VWF: variants seen among roughly 807,000 people sequenced by gnomAD.
VWF encodes Factor VIII related antigen.
A neutral mutation model predicts 308.6 loss-of-function variants in VWF; 176 were observed. The observed-to-expected ratio is 0.57, with a 90% CI of 0.50 to 0.65. VWF has a LOEUF of 0.65. Ranked by LOEUF, VWF falls within the 30% of genes least tolerant of loss-of-function variation. The pLI is 0.00. For missense variants in VWF, 3,146 were observed against 3,648.2 expected, an observed-to-expected ratio of 0.86 and a Z score of 3.55; for synonymous variants, 1,385 against 1,443.4, an observed-to-expected ratio of 0.96 and a Z score of 0.92.
At chr12:6,117,865 C>T (rs1037101480) in intron 3 of VWF, among the ~76,000 whole-genome samples, 7 of 152,166 alleles carry the variant, frequency 4.6e-5, no homozygotes, top group Admixed American at 3.9e-4. Context: ...CAACTGCCCT[C>T]GGAACACTCA....
rs1943772409 is a variant in VWF at position 5,993,809 on chromosome 12, G to T, written c.6598+53C>A. The T allele has an allele frequency of 3.0e-5, 47 of 1,564,096 alleles. No homozygotes were observed. The South Asian group carries it at 5.0e-4, about 17-fold the overall frequency. On this transcript the variant is annotated intron_variant, in intron 37 of 51. Coordinates refer to ENST00000261405, the MANE Select transcript of VWF (RefSeq NM_000552.5). Reference sequence around the variant, plus strand: ...AGAATCTGGGGCACAGAGAGGCTGAGCAAGCCCAGTTAGCTGGTCTCCAGG... The same window carrying T: ...AGAATCTGGGGCACAGAGAGGCTGATCAAGCCCAGTTAGCTGGTCTCCAGG...
In VWF at chr12:6,026,004, T is replaced by C. The variant is rs2136421053; in HGVS notation, c.3010A>G (p.Asn1004Asp). 3 of 1,613,980 alleles carry C rather than the reference T, an allele frequency of 1.9e-6. No individual in the cohort carries two copies. Among genetic ancestry groups the C allele is most frequent in the South Asian group, 2.2e-5 (2 of 91,078 alleles). Reference sequence around the variant, plus strand: ...AGGTTGCTGCTGGTGAGGTCATTGTTCTGGATGCCATCAAAATTCCCACAC... The same window carrying C: ...AGGTTGCTGCTGGTGAGGTCATTGTCCTGGATGCCATCAAAATTCCCACAC... ...GLCGNFDGIQ[N>D]NDLTSSNLQV... Residue 1004 changes from asparagine to aspartate, a missense_variant, in exon 23 of 52, where the codon AAC becomes GAC. Physicochemically the swap from Asn to Asp is conservative, Grantham distance 23. This residue lies in a region of VWF where 1,304 missense variants were observed against 1,353.0 expected (regional missense o/e 0.96). Transcript: ENST00000261405.
chr12:6,075,191 G>A lies in VWF; in HGVS notation c.874+144C>T, dbSNP rs768175553. The A allele has an allele frequency of 1.8e-5, 19 of 1,041,722 alleles. No individual in the cohort carries two copies. The highest frequency in any genetic ancestry group is 2.4e-5 in the Non-Finnish European group (17 of 703,266). The allele number at this position is 1,041,722 out of a possible 1,614,324, so 64.5% of individuals were successfully genotyped here. A position where few individuals can be genotyped will look rare whatever the true frequency, so the allele number is the denominator to read the frequency against. The stretch of plus-strand genomic sequence containing the variant: ...AGGAGCCATTCAGGAAATGGGTCCG[G>A]GACACGTGGCTTTGTAGTCACTGGC... On this transcript the variant is annotated intron_variant, in intron 7 of 51. Transcript: ENST00000261405. This position sits in a 1 kb window ranked among gnomAD's most constrained non-coding sequence, Gnocchi z 4.7.
intron 17 of VWF, among the ~76,000 whole-genome samples, chr12:6,044,811 G>C (rs749756842): frequency 6.6e-6 from 1 of 152,214 alleles, no homozygotes; most frequent in Non-Finnish European, 1.5e-5. Flanking sequence ...TGCTAAAAAG[G>C]AGTTTTAATG....
intron 16 of VWF, among the ~76,000 whole-genome samples, chr12:6,052,041 T>C (rs1377023745): frequency 6.6e-6 from 1 of 152,210 alleles, no homozygotes; most frequent in Non-Finnish European, 1.5e-5. Context: ...AAACCGACTG[T>C]CACAGAAGGC....
chr12:6,052,889 TA>T, intron 15 of VWF, 106 bp from the exon 16 acceptor site: 1 of 1,438,380 alleles, frequency 7.0e-7, no homozygotes, highest in Non-Finnish European at 9.3e-7. Flanking sequence ...ATTATTTAAT[TA>T]AAATTTTTAT....
chr12:6,014,419 A>G (rs1485101587), intron 31 of VWF, among the ~76,000 whole-genome samples: 2 of 152,214 alleles, frequency 1.3e-5, no homozygotes, highest in African/African-American at 4.8e-5. Context: ...TTAGACAGCT[A>G]TTTCAATAGT....
At chr12:6,012,929 C>T (rs1347646496) in intron 32 of VWF, among the ~76,000 whole-genome samples, 2 of 152,064 alleles carry the variant, frequency 1.3e-5, no homozygotes, top group Non-Finnish European at 1.5e-5. Flanking sequence ...TCTCGATCTC[C>T]TGACCTCATG....
chr12:6,032,987 T>C (rs11613839), intron 20 of VWF, among the ~76,000 whole-genome samples: 31,071 of 150,408 alleles, frequency 0.21, 3,450 homozygotes, highest in Non-Finnish European at 0.25. Flanking sequence ...CACACGCACA[T>C]GCATACACCC....
rs113519371 is a variant in VWF at position 6,060,923 on chromosome 12, G to A, written c.1533+2031C>T. On this transcript the variant is annotated intron_variant, in intron 13 of 51. Coordinates refer to ENST00000261405, the MANE Select transcript of VWF (RefSeq NM_000552.5). This position sits in a 1 kb window ranked among gnomAD's most constrained non-coding sequence, Gnocchi z 5.1. ...TGCTGAGAAAGTGGACTGGCTGGCC[G>A]GGCGTGGTGGCTCATGCCCGTAATC... Among the ~76,000 whole-genome samples, 1,294 of 152,312 alleles carry A rather than the reference G, an allele frequency of 8.5e-3. 13 individuals carry two copies. The highest frequency in any genetic ancestry group is 0.029 in the African/African-American group (1,223 of 41,568).
intron 5 of VWF, among the ~76,000 whole-genome samples, chr12:6,100,610 G>A (rs1397188104): frequency 1.3e-5 from 2 of 152,156 alleles, no homozygotes; most frequent in African/African-American, 4.8e-5. Context: ...GATGAAATTG[G>A]AAATCATCAT....
At chr12:5,957,322 G>A (rs540109467) in intron 47 of VWF, among the ~76,000 whole-genome samples, 2 of 151,940 alleles carry the variant, frequency 1.3e-5, no homozygotes, top group East Asian at 3.9e-4. Flanking sequence ...TGTAATTAGA[G>A]TTTCAGAAAG....
rs71582879 is a variant in VWF at position 6,123,328 on chromosome 12, C to T, written c.1-132G>A. The T allele has an allele frequency of 1.8e-3, 1,902 of 1,083,004 alleles. 25 individuals carry two copies. In the African/African-American group the frequency reaches 0.026, roughly 15 times the overall value. The allele number at this position is 1,083,004 out of a possible 1,614,324, so 67.1% of individuals were successfully genotyped here. A position where few individuals can be genotyped will look rare whatever the true frequency, so the allele number is the denominator to read the frequency against. On this transcript the variant is annotated intron_variant, in intron 1 of 51. Coordinates refer to ENST00000261405, the MANE Select transcript of VWF (RefSeq NM_000552.5). ...GAGAAAAGATTGATCCTCGTGACCCCCTTTTCCCCTTTGAACATGGACTTC... is the reference window on the plus strand; with the variant it reads ...GAGAAAAGATTGATCCTCGTGACCCTCTTTTCCCCTTTGAACATGGACTTC...
intron 14 of VWF, among the ~76,000 whole-genome samples, chr12:6,057,357 C>T (rs1253559141): frequency 1.4e-5 from 2 of 141,576 alleles, no homozygotes; most frequent in Non-Finnish European, 3.0e-5. Context: ...CTCTGTCGCC[C>T]GGGCTGGAGT....
intron 42 of VWF, among the ~76,000 whole-genome samples, chr12:5,980,200 GACGT>G (rs1565817243): frequency 3.0e-5 from 2 of 67,448 alleles, no homozygotes; most frequent in South Asian, 7.3e-4. Context: ...GGAAGGAAGT[GACGT>G]AGGTAGGTAG....
At chr12:5,961,976 G>C (rs1943323035) in intron 47 of VWF, among the ~76,000 whole-genome samples, 1 of 148,650 alleles carries the variant, frequency 6.7e-6, no homozygotes, top group Non-Finnish European at 1.5e-5. Context: ...AAAAAAAAAA[G>C]TCAAAGGGAA....
chr12:5,968,210 C>T (rs1244826407), intron 45 of VWF, 43 bp from the exon 46 acceptor site: 1 of 1,612,728 alleles, frequency 6.2e-7, no homozygotes, highest in East Asian at 2.2e-5. Flanking sequence ...GCAAAACACA[C>T]CCTGGTGAGA....
At chr12:6,120,741 C>T (rs1945420630) in intron 3 of VWF, among the ~76,000 whole-genome samples, 1 of 152,152 alleles carries the variant, frequency 6.6e-6, no homozygotes, top group South Asian at 2.1e-4. Flanking sequence ...ATGGCAGGGA[C>T]AGTACCAGCC....
At chr12:6,098,439 A>G (rs975234224) in intron 5 of VWF, among the ~76,000 whole-genome samples, 1 of 152,188 alleles carries the variant, frequency 6.6e-6, no homozygotes, top group African/African-American at 2.4e-5. Context: ...CAATGAACAA[A>G]TGCCCTATTG....
Sources: allele counts gnomAD v4.1 joint callset (sites outside exome capture counted in the v4.1 genomes callset), GRCh38; gene constraint gnomAD v4.1.1; regional missense constraint gnomAD v4.1.1; non-coding constraint Gnocchi (gnomAD v3.1); transcripts MANE v1.5; gene names NCBI Gene and HGNC (gene_info 2026-07-23, HGNC 2026-07-21).